Variants in LRIG1 observed in about 807,000 individuals in gnomAD.
LRIG1 encodes the protein leucine-rich repeats and immunoglobulin-like domains protein 1.
In LRIG1, 48 loss-of-function variants were observed where a neutral mutation model predicts 99.2. The observed-to-expected ratio is 0.48, with a 90% CI of 0.38 to 0.62. The LOEUF is 0.62. LRIG1 is among the 20% of genes least tolerant of loss of function. LRIG1 has a pLI of 0.00. For synonymous variants in LRIG1, 772 were observed against 596.1 expected, an observed-to-expected ratio of 1.29 and a Z score of -4.30; for missense variants, 1,646 against 1,434.4, an observed-to-expected ratio of 1.15 and a Z score of -2.38.
intron 3 of LRIG1, among the ~76,000 whole-genome samples, chr3:66,442,390 A>G (rs2106780597): frequency 6.6e-6 from 1 of 152,316 alleles, no homozygotes; most frequent in African/African-American, 2.4e-5. Context: ...GTGCATATGC[A>G]CATGAGGCTT....
intron 9 of LRIG1, chr3:66,404,476 G>C: frequency 9.1e-7 from 1 of 1,098,564 alleles, no homozygotes. Context: ...TACACGCAGA[G>C]AAAACAGGGC....
At chr3:66,409,032 CA>C (rs1702377010) in intron 7 of LRIG1, among the ~76,000 whole-genome samples, 2 of 150,548 alleles carry the variant, frequency 1.3e-5, no homozygotes, top group African/African-American at 4.9e-5. Context: ...AGACCAGACA[CA>C]AACACCAGCT....
chr3:66,380,330 G>A lies in LRIG1; in HGVS notation c.3215C>T (p.Ser1072Phe). 1.2e-6 allele frequency: 2 copies of A among 1,614,198 alleles called. No homozygotes were observed. Among genetic ancestry groups the A allele is most frequent in the Non-Finnish European group, 8.5e-7 (1 of 1,180,032 alleles). The change falls in exon 19 of 19, where the codon TCC becomes TTC. Residue 1072 changes from serine (S) to phenylalanine (F), a missense_variant. Ser to Phe is a radical substitution (Grantham distance 155, BLOSUM62 -2). Transcript: ENST00000273261. ...LPKACDASPESTPLTGQLPGK... is the reference protein window; with the variant it reads ...LPKACDASPEFTPLTGQLPGK... ...GGGGAGCTGTCCTGTCAGTGGCGTGGACTCGGGACTGGCGTCACATGCTTT... is the reference window on the plus strand; with the variant it reads ...GGGGAGCTGTCCTGTCAGTGGCGTGAACTCGGGACTGGCGTCACATGCTTT...
At chr3:66,453,274 TTAGTAACAAAAACAAAAGCA>T (rs1703966270) in intron 2 of LRIG1, among the ~76,000 whole-genome samples, 2 of 152,162 alleles carry the variant, frequency 1.3e-5, no homozygotes, top group Non-Finnish European at 2.9e-5. Flanking sequence ...ACAGAGAATG[TTAGTAACAAAAACAAAAGCA>T]GGTAAATTAA....
At chr3:66,398,065 A>T in intron 11 of LRIG1, 47 bp downstream of exon 11, 1 of 1,434,792 alleles carries the variant, frequency 7.0e-7, no homozygotes, top group Non-Finnish European at 9.8e-7. Flanking sequence ...TCTTACTCTG[A>T]AAGTCTCCAC....
At chr3:66,404,067 A>G (rs1372976450) in intron 9 of LRIG1, among the ~76,000 whole-genome samples, 1 of 152,246 alleles carries the variant, frequency 6.6e-6, no homozygotes, top group Non-Finnish European at 1.5e-5. Context: ...AGAATCACTG[A>G]TAAGCATCTC....
At chr3:66,402,310 G>A (rs113596659) in intron 9 of LRIG1, among the ~76,000 whole-genome samples, 5 of 152,328 alleles carry the variant, frequency 3.3e-5, no homozygotes, top group African/African-American at 9.6e-5. Flanking sequence ...ACAGGCCCTG[G>A]AGTGGGTCTA....
intron 1 of LRIG1, among the ~76,000 whole-genome samples, chr3:66,487,059 G>A (rs1197547252): frequency 2.0e-5 from 3 of 152,116 alleles, no homozygotes; most frequent in Admixed American, 6.5e-5. Context: ...CACGGCGTCT[G>A]GCACCAACAC....
At chr3:66,386,347 C>T (rs1307029486) in intron 12 of LRIG1, 46 bp from the exon 13 acceptor site, 1 of 1,503,488 alleles carries the variant, frequency 6.7e-7, no homozygotes, top group Admixed American at 1.8e-5. Flanking sequence ...TCTTGGTACA[C>T]AGAGGAACCA....
intron 15 of LRIG1, among the ~76,000 whole-genome samples, chr3:66,382,636 G>C (rs575091546): frequency 6.6e-6 from 1 of 152,156 alleles, no homozygotes; most frequent in East Asian, 1.9e-4. Flanking sequence ...GTGGAGACCA[G>C]TGATGGAAAG....
chr3:66,453,549 T>C (rs1449630397), intron 2 of LRIG1, among the ~76,000 whole-genome samples: 6 of 152,320 alleles, frequency 3.9e-5, no homozygotes, highest in Admixed American at 1.3e-4. Flanking sequence ...AAACTCGACA[T>C]GCCTCGTGCA....
At chr3:66,494,994 T>C (rs562406214) in intron 1 of LRIG1, among the ~76,000 whole-genome samples, 5 of 152,332 alleles carry the variant, frequency 3.3e-5, no homozygotes, top group African/African-American at 4.8e-5. Context: ...TAAACTATTA[T>C]AAAAATGTTA....
intron 12 of LRIG1, 35 bp downstream of exon 12, chr3:66,394,005 A>G (rs1383885852): frequency 6.2e-7 from 1 of 1,611,222 alleles, no homozygotes; most frequent in Non-Finnish European, 8.5e-7. Context: ...CTTGTCCTTC[A>G]TGAAGGAGAG....
Position 66,500,480 on chromosome 3 carries a change from C to T in LRIG1, c.-73G>A, listed in dbSNP as rs920241732. 7 of 877,976 alleles carry T rather than the reference C, an allele frequency of 8.0e-6. No homozygotes were observed. Among genetic ancestry groups the T allele is most frequent in the Non-Finnish European group, 9.3e-6 (6 of 642,630 alleles). The allele number at this position is 877,976 out of a possible 1,614,324, so 54.4% of individuals were successfully genotyped here. ...CCGAACGGCCGCAGACGCGGGCGGG[C>T]CCGCGGGGCGCTCCGCTCGGCTCTA... is the stretch of plus-strand genomic sequence containing the variant. On this transcript the variant is annotated 5_prime_UTR_variant, in exon 1 of 19. Coordinates refer to ENST00000273261, the MANE Select transcript of LRIG1 (RefSeq NM_015541.3).
At chr3:66,453,224 G>A (rs1703964385) in intron 2 of LRIG1, among the ~76,000 whole-genome samples, 1 of 152,220 alleles carries the variant, frequency 6.6e-6, no homozygotes, top group African/African-American at 2.4e-5. Context: ...CAGGCAGCTT[G>A]CCTAAGAACT....
In LRIG1 at chr3:66,386,012, G is replaced by A; in HGVS notation, c.1758C>T (p.Thr586=). ...QCVITNHFGS[T]YSHKARLTVN... The stretch of plus-strand genomic sequence containing the variant: ...CGGTGAGCCTGGCCTTATGTGAATA[G>A]GTGGAGCCAAAGTGGTTGGTGATGA... The change falls in exon 13 of 19, where the codon ACC becomes ACT. Residue 586 remains threonine (T), a synonymous_variant. Coordinates refer to ENST00000273261, the MANE Select transcript of LRIG1 (RefSeq NM_015541.3). 1.2e-6 allele frequency: 2 copies of A among 1,614,200 alleles called. No individual in the cohort carries two copies. The highest frequency in any genetic ancestry group is 2.2e-5 in the East Asian group (1 of 44,874).
In LRIG1 at chr3:66,500,517, G is replaced by T; in HGVS notation, c.-110C>A. On this transcript the variant is annotated 5_prime_UTR_variant, in exon 1 of 19. Coordinates refer to ENST00000273261, the MANE Select transcript of LRIG1 (RefSeq NM_015541.3). ...TCCGCTCGGCTCTAGACTCCGCACC[G>T]GGGCATGGCCCCCGCCCCAAGTTCT... 1.9e-6 allele frequency: 1 copy of T among 520,252 alleles called. No homozygotes were observed. Among genetic ancestry groups the T allele is most frequent in the Non-Finnish European group, 3.0e-6 (1 of 333,174 alleles). 32.2% of individuals were successfully genotyped at this position (520,252 alleles called of 1,614,324 possible). A position where few individuals can be genotyped will look rare whatever the true frequency, so the allele number is the denominator to read the frequency against.
chr3:66,488,540 G>A (rs938180434), intron 1 of LRIG1, among the ~76,000 whole-genome samples: 1 of 152,008 alleles, frequency 6.6e-6, no homozygotes, highest in African/African-American at 2.4e-5. Flanking sequence ...GGGAGGCTGA[G>A]GCAAGAGAAT....
chr3:66,416,684 C>G (rs761023479), intron 4 of LRIG1, among the ~76,000 whole-genome samples: 40 of 152,154 alleles, frequency 2.6e-4, no homozygotes, highest in Non-Finnish European at 5.3e-4. Flanking sequence ...TTTTACAGTG[C>G]ATGACACTAG....
Sources: gnomAD v4.1 joint callset for allele counts (sites outside exome capture counted in the v4.1 genomes callset) on GRCh38, gnomAD v4.1.1 for gene constraint, MANE v1.5 for transcripts, NCBI Gene and HGNC (gene_info 2026-07-23, HGNC 2026-07-21) for gene names.